MIGA1: variants seen among roughly 807,000 people sequenced by gnomAD.
MIGA1 encodes mitoguardin 1.
MIGA1 carries 58 observed loss-of-function variants against 82.0 expected under a neutral mutation model. That is an observed-to-expected ratio of 0.71 (90% CI 0.57 to 0.88). The LOEUF (loss-of-function observed/expected upper bound fraction) is 0.88, where lower values mean the gene tolerates loss of function less well. MIGA1 is among the 40% of genes least tolerant of loss of function. MIGA1 has a pLI of 0.00. For synonymous variants in MIGA1, 249 were observed against 253.6 expected, an observed-to-expected ratio of 0.98 and a Z score of 0.17; for missense variants, 751 against 749.1, an observed-to-expected ratio of 1.00 and a Z score of -0.03.
At position 77,850,623 on chromosome 1, in the gene MIGA1, G is replaced by A. The variant is rs748271614; in HGVS notation, c.996+7216G>A. ...CATGGTCATTCAGAGGACCTGGTCT[G>A]GATTAAGGCTTTTAAAAAATATTAC... is the stretch of plus-strand genomic sequence containing the variant. On this transcript the variant is annotated intron_variant, in intron 8 of 15. Coordinates refer to ENST00000370791, the MANE Select transcript of MIGA1 (RefSeq NM_198549.4). Among the ~76,000 whole-genome samples, 117 of 152,084 alleles carry A rather than the reference G, an allele frequency of 7.7e-4. 3 individuals carry two copies. Among genetic ancestry groups the A allele is most frequent in the Non-Finnish European group, 2.2e-4 (15 of 68,024 alleles).
At chr1:77,840,938 C>T (rs1471685504) in intron 7 of MIGA1, among the ~76,000 whole-genome samples, 3 of 152,068 alleles carry the variant, frequency 2.0e-5, no homozygotes, top group African/African-American at 4.8e-5. Flanking sequence ...TAAGATAACG[C>T]TTTGAAGGTT....
intron 7 of MIGA1, among the ~76,000 whole-genome samples, chr1:77,827,033 C>T (rs938335923): frequency 6.6e-6 from 1 of 152,004 alleles, no homozygotes. Context: ...TCTCAAGCTC[C>T]TGACCTCAGG....
At chr1:77,785,533 G>A (rs1682119852) in intron 2 of MIGA1, among the ~76,000 whole-genome samples, 1 of 152,126 alleles carries the variant, frequency 6.6e-6, no homozygotes, top group African/African-American at 2.4e-5. Flanking sequence ...AGTAGAGATG[G>A]GGTTTCTCCA....
At chr1:77,865,996 T>C (rs1271572701) in intron 13 of MIGA1, among the ~76,000 whole-genome samples, 2 of 152,114 alleles carry the variant, frequency 1.3e-5, no homozygotes, top group African/African-American at 4.8e-5. Context: ...TACTATAACC[T>C]CCGCCTCCCG....
chr1:77,875,134 A>G lies in MIGA1; in HGVS notation c.*70A>G. The G allele has an allele frequency of 2.3e-6, 3 of 1,280,650 alleles. No homozygotes were observed. The highest frequency in any genetic ancestry group is 3.3e-6 in the Non-Finnish European group (3 of 904,094). The allele number at this position is 1,280,650 out of a possible 1,614,324, so 79.3% of individuals were successfully genotyped here. A position where few individuals can be genotyped will look rare whatever the true frequency, so the allele number is the denominator to read the frequency against. ...AAGGTAACTATTGATTTTGTAACAT[A>G]TATTACAAAGTTAACAGAATTGATG... On this transcript the variant is annotated 3_prime_UTR_variant, in exon 16 of 16. Transcript: ENST00000370791.
At chr1:77,863,183 T>C (rs1685535491) in intron 12 of MIGA1, among the ~76,000 whole-genome samples, 1 of 152,196 alleles carries the variant, frequency 6.6e-6, no homozygotes, top group African/African-American at 2.4e-5. Context: ...CAGTTTTAAC[T>C]CCTAAATATC....
chr1:77,859,786 AATTT>A, intron 10 of MIGA1: 1 of 396,932 alleles, frequency 2.5e-6, no homozygotes, highest in Non-Finnish European at 4.4e-6. Flanking sequence ...GGCTATAGGA[AATTT>A]ATTTGAGACT....
intron 5 of MIGA1, 101 bp from the exon 6 acceptor site, chr1:77,813,633 C>G: frequency 3.3e-6 from 4 of 1,224,748 alleles, no homozygotes; most frequent in Non-Finnish European, 4.6e-6. Context: ...CAAAATTAGA[C>G]TGTGACATCA....
rs111403868 is a variant in MIGA1, at chr1:77,798,068, T to A, written c.196-3263T>A. The stretch of plus-strand genomic sequence containing the variant: ...TTAAGCATGATCTTAGCTACAGGTT[T>A]TTAAAATAAATACCCTTTATCAGAT... On this transcript the variant is annotated intron_variant, in intron 2 of 15. Transcript: ENST00000370791. Among the ~76,000 whole-genome samples, 742 of 152,372 alleles carry A rather than the reference T, an allele frequency of 4.9e-3. 8 individuals carry two copies. The highest frequency in any genetic ancestry group is 0.017 in the African/African-American group (713 of 41,590).
rs148388643 is a variant in MIGA1, at chr1:77,791,505, T to C, written c.195+8154T>C. On this transcript the variant is annotated intron_variant, in intron 2 of 15. Transcript: ENST00000370791. The stretch of plus-strand genomic sequence containing the variant: ...CTTTAAACATTTGCTTGTAGGTGTT[T>C]GTGTGGACATGTTTTTATTTTTCTG... 5.5e-3 allele frequency among the ~76,000 whole-genome samples: 838 copies of C among 152,122 alleles called. 16 individuals carry two copies. The highest frequency in any genetic ancestry group is 0.03 in the East Asian group (156 of 5,186).
chr1:77,874,544 T>C lies in MIGA1; in HGVS notation c.1681-302T>C, dbSNP rs945750120. ...TACAGGCACTTCTTATAGATTATCT[T>C]TTTTTAAATGTTTCCCCACCTTTTC... On this transcript the variant is annotated intron_variant, in intron 15 of 15. Transcript: ENST00000370791. 3.5e-4 allele frequency among the ~76,000 whole-genome samples: 54 copies of C among 152,302 alleles called. 1 individual carries two copies. The highest frequency in any genetic ancestry group is 1.2e-3 in the African/African-American group (50 of 41,570).
At chr1:77,810,925 T>A (rs1159047577) in intron 5 of MIGA1, 1 of 1,611,896 alleles carries the variant, frequency 6.2e-7, no homozygotes, top group Non-Finnish European at 8.5e-7. Context: ...TAATTGCAAT[T>A]TCTTTCTTTT....
chr1:77,822,187 T>C (rs1683841306), intron 7 of MIGA1, among the ~76,000 whole-genome samples: 1 of 97,638 alleles, frequency 1.0e-5, no homozygotes, highest in Non-Finnish European at 2.8e-5. Context: ...TAATAGCTCA[T>C]AAAGCTGTTA....
intron 1 of MIGA1, among the ~76,000 whole-genome samples, chr1:77,780,871 C>A (rs1570907702): frequency 1.3e-5 from 2 of 149,168 alleles, no homozygotes; most frequent in Non-Finnish European, 3.0e-5. Context: ...AGTTAGAATG[C>A]AAAAATAGAG....
chr1:77,827,974 C>T (rs1684095777), intron 7 of MIGA1, among the ~76,000 whole-genome samples: 1 of 152,028 alleles, frequency 6.6e-6, no homozygotes, highest in African/African-American at 2.4e-5. Context: ...AGGAGTATAG[C>T]TTGAACCCAG....
At chr1:77,808,356 A>G (rs1349019747) in intron 5 of MIGA1, among the ~76,000 whole-genome samples, 1 of 152,134 alleles carries the variant, frequency 6.6e-6, no homozygotes, top group African/African-American at 2.4e-5. Flanking sequence ...TACATGTTCT[A>G]GGAATTAGGA....
At chr1:77,804,071 T>C (rs535015850) in intron 4 of MIGA1, among the ~76,000 whole-genome samples, 1 of 152,260 alleles carries the variant, frequency 6.6e-6, no homozygotes, top group South Asian at 2.1e-4. Flanking sequence ...AAATCAAAAA[T>C]TAAAATTAAA....
chr1:77,791,559 GTTTTTTTTTT>G (rs71075763), intron 2 of MIGA1, among the ~76,000 whole-genome samples: 1 of 124,704 alleles, frequency 8.0e-6, no homozygotes, highest in Non-Finnish European at 1.6e-5. Flanking sequence ...AGATATTTAA[GTTTTTTTTTT>G]TTTTTTTTTT....
chr1:77,825,657 G>A (rs1684002000), intron 7 of MIGA1, among the ~76,000 whole-genome samples: 1 of 152,082 alleles, frequency 6.6e-6, no homozygotes, highest in Admixed American at 6.6e-5. Flanking sequence ...TTCCATTATT[G>A]TGCAAGTTCT....
Sources: gnomAD v4.1 joint callset for allele counts (sites outside exome capture counted in the v4.1 genomes callset) on GRCh38, gnomAD v4.1.1 for gene constraint, MANE v1.5 for transcripts, NCBI Gene and HGNC (gene_info 2026-07-23, HGNC 2026-07-21) for gene names.